The following PARN variants were observed in gnomAD, a reference collection of about 807,000 sequenced individuals.
PARN encodes poly(A)-specific ribonuclease PARN.
In PARN, 71 loss-of-function variants were observed where a neutral mutation model predicts 102.8. The observed-to-expected ratio is 0.69, with a 90% CI of 0.57 to 0.84. PARN has a LOEUF of 0.84. Ranked by LOEUF, PARN falls within the 40% of genes least tolerant of loss-of-function variation. The pLI, the probability that PARN is intolerant of heterozygous loss-of-function variation, is 0.00. For missense variants in PARN, 782 were observed against 760.9 expected, an observed-to-expected ratio of 1.03 and a Z score of -0.33; for synonymous variants, 261 against 252.9, an observed-to-expected ratio of 1.03 and a Z score of -0.30.
intron 21 of PARN, among the ~76,000 whole-genome samples, chr16:14,512,796 C>T (rs939093433): frequency 1.3e-5 from 2 of 152,096 alleles, no homozygotes; most frequent in African/African-American, 2.4e-5. Flanking sequence ...AGAATTTGAC[C>T]GTTCAGGTAA....
At chr16:14,481,561 G>A (rs894655909) in intron 22 of PARN, among the ~76,000 whole-genome samples, 2 of 152,178 alleles carry the variant, frequency 1.3e-5, no homozygotes, top group Non-Finnish European at 1.5e-5. Flanking sequence ...GATTATATGA[G>A]TGTATCCAAC....
intron 21 of PARN, among the ~76,000 whole-genome samples, chr16:14,510,758 G>A (rs984967451): frequency 6.6e-6 from 1 of 152,200 alleles, no homozygotes; most frequent in African/African-American, 2.4e-5. Flanking sequence ...CAGAAGTCCT[G>A]CCACCCCCAT....
intron 22 of PARN, among the ~76,000 whole-genome samples, chr16:14,461,947 G>A (rs911789847): frequency 2.6e-5 from 4 of 152,194 alleles, no homozygotes; most frequent in African/African-American, 9.7e-5. Context: ...GACAGATTAG[G>A]ATGTGCATCT....
intron 20 of PARN, 115 bp downstream of exon 20, chr16:14,553,950 A>T (rs895137374): frequency 1.5e-6 from 1 of 670,522 alleles, no homozygotes; most frequent in Non-Finnish European, 2.6e-6. Flanking sequence ...GTGAAATTAA[A>T]ACCTTGAATA....
intron 6 of PARN, among the ~76,000 whole-genome samples, chr16:14,611,864 C>T (rs1469262672): frequency 1.3e-5 from 2 of 152,030 alleles, no homozygotes; most frequent in Admixed American, 6.5e-5. Context: ...TTAAAGGGCT[C>T]GATGGCAAAT....
chr16:14,472,938 C>T (rs1458297541), intron 22 of PARN, among the ~76,000 whole-genome samples: 1 of 152,046 alleles, frequency 6.6e-6, no homozygotes, highest in Non-Finnish European at 1.5e-5. Context: ...CACGCTGCAT[C>T]CTGATTGTCA....
At chr16:14,535,135 A>G (rs1278575907) in intron 21 of PARN, among the ~76,000 whole-genome samples, 19 of 152,296 alleles carry the variant, frequency 1.2e-4, no homozygotes, top group Non-Finnish European at 5.9e-5. Context: ...CACCCTGGCT[A>G]AATAACTATT....
At chr16:14,470,530 T>C (rs1962670398) in intron 22 of PARN, among the ~76,000 whole-genome samples, 1 of 151,716 alleles carries the variant, frequency 6.6e-6, no homozygotes, top group African/African-American at 2.4e-5. Flanking sequence ...CAATCTCAGC[T>C]CACTGCAGCC....
chr16:14,527,490 G>A (rs1242685110), intron 21 of PARN, among the ~76,000 whole-genome samples: 1 of 152,046 alleles, frequency 6.6e-6, no homozygotes, highest in East Asian at 1.9e-4. Flanking sequence ...TCTTTTTGAC[G>A]TCATGAAAGC....
intron 21 of PARN, among the ~76,000 whole-genome samples, chr16:14,488,361 G>A (rs1276566967): frequency 6.6e-6 from 1 of 152,074 alleles, no homozygotes; most frequent in Non-Finnish European, 1.5e-5. Flanking sequence ...AAAAAGGACA[G>A]GCATAAAAGA....
intron 18 of PARN, among the ~76,000 whole-genome samples, chr16:14,579,876 T>C (rs1197680773): frequency 6.6e-6 from 1 of 151,750 alleles, no homozygotes; most frequent in Non-Finnish European, 1.5e-5. Flanking sequence ...CTCCATAGGC[T>C]GCAGCAGGAG....
chr16:14,602,170 A>C (rs901361407), intron 11 of PARN: 1 of 152,060 alleles, frequency 6.6e-6, no homozygotes, highest in African/African-American at 2.4e-5. Flanking sequence ...GCCAGGGCTG[A>C]ATCCAACAGC....
At chr16:14,582,104 C>A in intron 17 of PARN, 77 bp downstream of exon 17, 2 of 876,338 alleles carry the variant, frequency 2.3e-6, no homozygotes, top group Non-Finnish European at 1.9e-6. Flanking sequence ...TAATTTATTA[C>A]AGCAGCCTAA....
At chr16:14,514,315 G>C (rs1386434431) in intron 21 of PARN, among the ~76,000 whole-genome samples, 4 of 152,170 alleles carry the variant, frequency 2.6e-5, no homozygotes, top group Non-Finnish European at 5.9e-5. Flanking sequence ...CTCCTGAGTA[G>C]CTGGGACTAC....
chr16:14,485,764 T>C (rs1287357292), intron 21 of PARN, among the ~76,000 whole-genome samples: 1 of 152,190 alleles, frequency 6.6e-6, no homozygotes, highest in Non-Finnish European at 1.5e-5. Flanking sequence ...CTAGGCTCAT[T>C]GCAACCTCCG....
intron 22 of PARN, among the ~76,000 whole-genome samples, chr16:14,448,502 G>A (rs531444767): frequency 6.6e-6 from 1 of 152,104 alleles, no homozygotes; most frequent in South Asian, 2.1e-4. Flanking sequence ...TGGCCAAGCT[G>A]GTCTGGAACA....
At chr16:14,560,073 C>T (rs1967957850) in intron 18 of PARN, among the ~76,000 whole-genome samples, 1 of 152,206 alleles carries the variant, frequency 6.6e-6, no homozygotes, top group Admixed American at 6.5e-5. Flanking sequence ...ATGCCTCATC[C>T]CAGCTGGCTG....
chr16:14,483,177 TG>T (rs1963476396), intron 21 of PARN, among the ~76,000 whole-genome samples: 1 of 152,196 alleles, frequency 6.6e-6, no homozygotes, highest in African/African-American at 2.4e-5. Flanking sequence ...AGTAACAAAA[TG>T]AAAATAAACA....
At chr16:14,616,349 C>A (rs1441082719) in intron 6 of PARN, among the ~76,000 whole-genome samples, 1 of 152,200 alleles carries the variant, frequency 6.6e-6, no homozygotes, top group Admixed American at 6.5e-5. Flanking sequence ...TCCTCAGGTG[C>A]TCCCCAGGCC....
Sources: allele counts gnomAD v4.1 joint callset (sites outside exome capture counted in the v4.1 genomes callset), GRCh38; gene constraint gnomAD v4.1.1; transcripts MANE v1.5; gene names NCBI Gene and HGNC (gene_info 2026-07-23, HGNC 2026-07-21).